LRMDA: variants seen among roughly 807,000 people sequenced by gnomAD.
LRMDA encodes the protein leucine-rich melanocyte differentiation-associated protein.
In LRMDA, 18 loss-of-function variants were observed where a neutral mutation model predicts 29.8. That is an observed-to-expected ratio of 0.60 (90% CI 0.42 to 0.90). LRMDA has a LOEUF of 0.90. Among genes scored for constraint, LRMDA ranks in the 40% least tolerant of loss-of-function variants. The pLI is 0.00. For missense variants in LRMDA, 273 were observed against 273.9 expected (o/e 1.00, Z 0.02); for synonymous variants, 125 against 109.4 (o/e 1.14, Z -0.89).
At chr10:75,577,311 G>A (rs377136675) in intron 2 of LRMDA, among the ~76,000 whole-genome samples, 2 of 152,054 alleles carry the variant, frequency 1.3e-5, no homozygotes, top group African/African-American at 4.8e-5. Context: ...TCAACTCAAT[G>A]AAATAAAGTG....
chr10:76,254,345 T>C (rs61863468), intron 5 of LRMDA, among the ~76,000 whole-genome samples: 2,186 of 50,976 alleles, frequency 0.043, 18 homozygotes, highest in Non-Finnish European at 0.072. Context: ...CATACCATCC[T>C]ATCCTATCCT....
chr10:76,311,165 C>T (rs1366608617), intron 5 of LRMDA, among the ~76,000 whole-genome samples: 2 of 152,086 alleles, frequency 1.3e-5, no homozygotes, highest in Non-Finnish European at 2.9e-5. Flanking sequence ...TTTAAGTAAC[C>T]CAAGAATGCA....
At chr10:75,652,243 C>T (rs1360434991) in intron 2 of LRMDA, among the ~76,000 whole-genome samples, 1 of 152,194 alleles carries the variant, frequency 6.6e-6, no homozygotes, top group Non-Finnish European at 1.5e-5. Context: ...ATCCAAACCT[C>T]CTGACGTTGT....
At chr10:76,452,491 A>G (rs1422817743) in intron 6 of LRMDA, among the ~76,000 whole-genome samples, 1 of 152,066 alleles carries the variant, frequency 6.6e-6, no homozygotes, top group Non-Finnish European at 1.5e-5. Flanking sequence ...TGGGAACTGA[A>G]TGAAAAAAAA....
intron 6 of LRMDA, among the ~76,000 whole-genome samples, chr10:76,343,400 A>C (rs1439904973): frequency 6.6e-6 from 1 of 152,246 alleles, no homozygotes; most frequent in African/African-American, 2.4e-5. Flanking sequence ...AGAATCTAGC[A>C]GCATAAAAGC....
intron 2 of LRMDA, among the ~76,000 whole-genome samples, chr10:75,831,057 T>G (rs917781720): frequency 6.6e-6 from 1 of 152,124 alleles, no homozygotes; most frequent in African/African-American, 2.4e-5. Flanking sequence ...TCTTTTTTTT[T>G]TTTTTGAGAC....
intron 2 of LRMDA, among the ~76,000 whole-genome samples, chr10:75,637,688 G>T (rs1214015266): frequency 1.3e-5 from 2 of 152,220 alleles, no homozygotes; most frequent in East Asian, 1.9e-4. Context: ...GAGAGCACAG[G>T]TCTTTTTAGG....
intron 5 of LRMDA, among the ~76,000 whole-genome samples, chr10:76,302,682 A>G (rs1840496421): frequency 6.6e-6 from 1 of 152,044 alleles, no homozygotes; most frequent in Non-Finnish European, 1.5e-5. Flanking sequence ...TTCACTGTTG[A>G]CTTTGGTGAT....
intron 6 of LRMDA, among the ~76,000 whole-genome samples, chr10:76,438,046 G>A (rs1300613127): frequency 1.3e-5 from 2 of 152,176 alleles, no homozygotes; most frequent in African/African-American, 4.8e-5. Flanking sequence ...GTGTGAAACA[G>A]AAGTGTCCTT....
chr10:76,321,478 C>A (rs1463447281), intron 5 of LRMDA, among the ~76,000 whole-genome samples: 1 of 151,030 alleles, frequency 6.6e-6, no homozygotes, highest in Non-Finnish European at 1.5e-5. Context: ...GTTTTCTCAT[C>A]TTTGAATTTC....
chr10:76,454,913 G>A (rs978266535), intron 6 of LRMDA, among the ~76,000 whole-genome samples: 1 of 152,158 alleles, frequency 6.6e-6, no homozygotes, highest in Non-Finnish European at 1.5e-5. Context: ...GATCTGGTTT[G>A]ACTGGGGCCA....
At chr10:75,689,821 G>A (rs1842123003) in intron 2 of LRMDA, among the ~76,000 whole-genome samples, 1 of 152,306 alleles carries the variant, frequency 6.6e-6, no homozygotes, top group East Asian at 1.9e-4. Flanking sequence ...GGGAGGGAAG[G>A]CGCCTGCACT....
At chr10:75,834,470 T>A (rs1483529425) in intron 2 of LRMDA, among the ~76,000 whole-genome samples, 1 of 152,208 alleles carries the variant, frequency 6.6e-6, no homozygotes, top group African/African-American at 2.4e-5. Context: ...TTCTTTGCAA[T>A]CTGAATAGCT....
chr10:75,456,578 G>A (rs1390663213), intron 2 of LRMDA, among the ~76,000 whole-genome samples: 1 of 152,220 alleles, frequency 6.6e-6, no homozygotes, highest in Non-Finnish European at 1.5e-5. Flanking sequence ...TTCTCTTTCA[G>A]AAGTGCCCAG....
chr10:76,211,569 A>G (rs2132246006), intron 5 of LRMDA, among the ~76,000 whole-genome samples: 1 of 152,292 alleles, frequency 6.6e-6, no homozygotes, highest in African/African-American at 2.4e-5. Context: ...TGTACTTTAG[A>G]TTTTTTACTT....
intron 2 of LRMDA, chr10:75,552,331 G>T (rs1840160761): frequency 5.8e-6 from 1 of 171,908 alleles, no homozygotes; most frequent in South Asian, 1.1e-4. Context: ...TTCTGTCAGT[G>T]CTTTAATGGT....
chr10:76,012,586 C>T (rs1205851550), intron 2 of LRMDA, among the ~76,000 whole-genome samples: 1 of 152,154 alleles, frequency 6.6e-6, no homozygotes, highest in Admixed American at 6.5e-5. Flanking sequence ...TGTAACCCCT[C>T]CAAACAATTA....
At chr10:75,876,350 C>T (rs1015010892) in intron 2 of LRMDA, among the ~76,000 whole-genome samples, 3 of 151,992 alleles carry the variant, frequency 2.0e-5, no homozygotes, top group African/African-American at 7.3e-5. Flanking sequence ...GAACAATAGA[C>T]TGGAAGGGAG....
At chr10:75,972,106 T>C (rs1846983729) in intron 2 of LRMDA, among the ~76,000 whole-genome samples, 1 of 152,214 alleles carries the variant, frequency 6.6e-6, no homozygotes, top group South Asian at 2.1e-4. Context: ...GTTTTCTGAA[T>C]GTTTGACAAA....
Sources: allele counts gnomAD v4.1 joint callset (sites outside exome capture counted in the v4.1 genomes callset), GRCh38; gene constraint gnomAD v4.1.1; transcripts MANE v1.5; gene names NCBI Gene and HGNC (gene_info 2026-07-23, HGNC 2026-07-21).